The following AKAP1 variants were observed in gnomAD, a reference collection of about 807,000 sequenced individuals.
AKAP1 encodes the protein A-kinase anchor protein 1, mitochondrial.
AKAP1 carries 32 observed loss-of-function variants against 79.8 expected under a neutral mutation model. That is an observed-to-expected ratio of 0.40 (90% CI 0.30 to 0.54). The LOEUF is 0.54. AKAP1 is among the 20% of genes least tolerant of loss of function. The pLI, the probability that AKAP1 is intolerant of heterozygous loss-of-function variation, is 0.47. For synonymous variants in AKAP1, 416 were observed against 466.7 expected (o/e 0.89, Z 1.40); for missense variants, 961 against 1,138.9 (o/e 0.84, Z 2.25).
In AKAP1 at chr17:57,116,218, G is replaced by A. The variant is rs770959753; in HGVS notation, c.2389G>A (p.Gly797Ser). Residue 797 changes from glycine to serine, a missense_variant, in exon 7 of 11, where the codon GGC (glycine) becomes AGC (serine). Gly to Ser is a moderately conservative substitution (Grantham distance 56, BLOSUM62 0). This residue lies in a region of AKAP1 where 629 missense variants were observed against 781.1 expected (regional missense o/e 0.81). Transcript: ENST00000337714. ...NEVEIRYVDY[G>S]GYKRVKVDVL... is the part of the protein sequence containing the mutation. ...AGTGGAGATTCGATACGTGGACTAC[G>A]GCGGATATAAGAGGGTGAAAGTAGA... The A allele has an allele frequency of 7.4e-6, 12 of 1,614,142 alleles. No individual in the cohort carries two copies. The highest frequency in any genetic ancestry group is 1.7e-5 in the Admixed American group (1 of 60,028).
rs370860938 is a variant in AKAP1, at chr17:57,120,342, G to C, written c.*18G>C. ...GCCTTTGACCCCCATGCTGCTTCCT[G>C]AGAGTCTTTTTTTGCACTGTTGAAA... On this transcript the variant is annotated 3_prime_UTR_variant, in exon 11 of 11. Coordinates refer to ENST00000337714, the MANE Select transcript of AKAP1 (RefSeq NM_003488.4). 11 of 1,606,310 alleles carry C rather than the reference G, an allele frequency of 6.8e-6. No homozygotes were observed. The African/African-American group carries it at 1.5e-4, about 22-fold the overall frequency.
intron 1 of AKAP1, among the ~76,000 whole-genome samples, chr17:57,099,106 G>A (rs1458592066): frequency 6.6e-6 from 1 of 152,048 alleles, no homozygotes; most frequent in Non-Finnish European, 1.5e-5. Context: ...GCTGGTAGAG[G>A]GGCATCTGTG....
Position 57,111,884 on chromosome 17 carries a change from C to A in AKAP1, c.1935C>A (p.Thr645=), listed in dbSNP as rs151037517. The change falls in exon 4 of 11, where the codon ACC becomes ACA. Residue 645 remains threonine, a synonymous_variant. Transcript: ENST00000337714. The part of the protein sequence containing the change: ...QTSGAKIYIS[T]LPYTQSVQIC... Reference sequence around the variant, plus strand: ...CTGGTGCCAAGATCTACATTTCAACCCTGCCTTACACCCAGAGCGTCCAGA... The same window carrying A: ...CTGGTGCCAAGATCTACATTTCAACACTGCCTTACACCCAGAGCGTCCAGA... 3.3e-5 allele frequency: 54 copies of A among 1,613,966 alleles called. No homozygotes were observed. The African/African-American group carries it at 7.1e-4, about 21-fold the overall frequency.
chr17:57,111,954 CT>C, intron 4 of AKAP1, 30 bp downstream of exon 4: 1 of 1,598,940 alleles, frequency 6.3e-7, no homozygotes, highest in African/African-American at 1.3e-5. Context: ...TGTATTGCCT[CT>C]TACCTGAAAT....
chr17:57,090,310 AGTGGCTTTTTTTTTT>A (rs1913704887), intron 1 of AKAP1, among the ~76,000 whole-genome samples: 2 of 64,838 alleles, frequency 3.1e-5, no homozygotes, highest in South Asian at 1.7e-3. Flanking sequence ...CTGGCATATT[AGTGGCTTTTTTTTTT>A]CTGTGTCATT....
At chr17:57,090,147 A>C (rs1469345159) in intron 1 of AKAP1, among the ~76,000 whole-genome samples, 4 of 152,070 alleles carry the variant, frequency 2.6e-5, no homozygotes, top group Admixed American at 1.3e-4. Context: ...CTGTTGTGGC[A>C]GGGGTGGGGA....
At chr17:57,089,850 A>G (rs1248747279) in intron 1 of AKAP1, among the ~76,000 whole-genome samples, 1 of 152,240 alleles carries the variant, frequency 6.6e-6, no homozygotes, top group Non-Finnish European at 1.5e-5. Context: ...AGGAGCGTGA[A>G]GCAAAGGTCC....
intron 2 of AKAP1, 130 bp downstream of exon 2, chr17:57,107,308 A>C (rs1914958114): frequency 7.6e-7 from 1 of 1,320,090 alleles, no homozygotes; most frequent in Non-Finnish European, 1.0e-6. Context: ...CTTTATCGCA[A>C]CCTGCAGAGG....
chr17:57,087,994 G>A (rs1036451543), intron 1 of AKAP1, among the ~76,000 whole-genome samples: 1 of 152,162 alleles, frequency 6.6e-6, no homozygotes, highest in African/African-American at 2.4e-5. Flanking sequence ...GTTGTTTCAG[G>A]TATGAGTTAA....
At chr17:57,091,515 G>A (rs1427227371) in intron 1 of AKAP1, among the ~76,000 whole-genome samples, 2 of 152,058 alleles carry the variant, frequency 1.3e-5, no homozygotes, top group African/African-American at 4.8e-5. Context: ...TGGATCTGTG[G>A]CAGGGGCCCA....
intron 8 of AKAP1, 138 bp downstream of exon 8, chr17:57,117,065 G>A: frequency 1.1e-6 from 1 of 914,084 alleles, no homozygotes; most frequent in Non-Finnish European, 1.8e-6. Context: ...GACTGAATAG[G>A]TCTGGGCTTA....
At chr17:57,097,602 G>C (rs1224191857) in intron 1 of AKAP1, among the ~76,000 whole-genome samples, 1 of 152,196 alleles carries the variant, frequency 6.6e-6, no homozygotes, top group African/African-American at 2.4e-5. Flanking sequence ...TGGGCTTTAG[G>C]TTCTGATTCC....
At chr17:57,114,378 C>A in intron 5 of AKAP1, 81 bp from the exon 6 acceptor site, 1 of 1,536,846 alleles carries the variant, frequency 6.5e-7, no homozygotes, top group Non-Finnish European at 8.8e-7. Context: ...AGCCCAGAGA[C>A]TTGCCCTTGG....
intron 2 of AKAP1, among the ~76,000 whole-genome samples, chr17:57,109,695 C>T (rs1915115989): frequency 6.6e-6 from 1 of 152,190 alleles, no homozygotes; most frequent in Admixed American, 6.5e-5. Context: ...CCTCCCCCGC[C>T]CTCTGGGCTC....
chr17:57,102,325 G>GAA (rs1301593952), intron 1 of AKAP1, among the ~76,000 whole-genome samples: 1 of 152,046 alleles, frequency 6.6e-6, no homozygotes, highest in Non-Finnish European at 1.5e-5. Flanking sequence ...GAGCTTTTAA[G>GAA]AGCTATCATA....
intron 6 of AKAP1, 96 bp from the exon 7 acceptor site, chr17:57,116,015 C>T (rs1915555726): frequency 6.9e-7 from 1 of 1,456,078 alleles, no homozygotes; most frequent in Non-Finnish European, 9.2e-7. Context: ...TTGCAGGCCT[C>T]TGAGAGGTAA....
intron 1 of AKAP1, among the ~76,000 whole-genome samples, chr17:57,105,008 T>C (rs959803699): frequency 1.3e-5 from 2 of 152,244 alleles, no homozygotes; most frequent in Admixed American, 6.5e-5. Flanking sequence ...GAGGGAACCA[T>C]GCACATGTGG....
rs1597979434 is a variant in AKAP1 at position 57,107,082 on chromosome 17, A to G, written c.1618A>G (p.Thr540Ala). The G allele has an allele frequency of 2.5e-6, 4 of 1,614,186 alleles. No homozygotes were observed. The highest frequency in any genetic ancestry group is 3.4e-6 in the Non-Finnish European group (4 of 1,180,028). Reference protein sequence around the residue: ...KAITPPLPESTVPFSNGVLKG... With the variant: ...KAITPPLPESAVPFSNGVLKG... ...CATCACCCCGCCACTGCCAGAAAGTACTGTGCCCTTCAGCAATGGGGTGCT... is the reference window on the plus strand; with the variant it reads ...CATCACCCCGCCACTGCCAGAAAGTGCTGTGCCCTTCAGCAATGGGGTGCT... The change falls in exon 2 of 11, where the codon ACT becomes GCT. Residue 540 changes from threonine to alanine, a missense_variant. Coordinates refer to ENST00000337714, the MANE Select transcript of AKAP1 (RefSeq NM_003488.4).
intron 1 of AKAP1, among the ~76,000 whole-genome samples, chr17:57,089,606 G>C (rs756413742): frequency 6.6e-6 from 1 of 152,170 alleles, no homozygotes; most frequent in Admixed American, 6.5e-5. Context: ...CGCCGGCCTA[G>C]AAAGTTTTTT....
Sources: gnomAD v4.1 joint callset for allele counts (sites outside exome capture counted in the v4.1 genomes callset) on GRCh38, gnomAD v4.1.1 for gene constraint, gnomAD v4.1.1 regional missense constraint, MANE v1.5 for transcripts, NCBI Gene and HGNC (gene_info 2026-07-23, HGNC 2026-07-21) for gene names.